CDK5RAP2: variants seen among roughly 807,000 people sequenced by gnomAD.
CDK5RAP2 encodes the protein CDK5 regulatory subunit-associated protein 2.
In CDK5RAP2, 147 loss-of-function variants were observed where a neutral mutation model predicts 232.9. The observed-to-expected ratio is 0.63, with a 90% CI of 0.55 to 0.72. The LOEUF is 0.72. CDK5RAP2 is among the 30% of genes least tolerant of loss of function. The pLI is 0.00. For missense variants in CDK5RAP2, 2,195 were observed against 2,231.5 expected (o/e 0.98, Z 0.33); for synonymous variants, 833 against 833.7 (o/e 1.00, Z 0.01).
At chr9:120,562,778 G>A (rs996711681) in intron 3 of CDK5RAP2, among the ~76,000 whole-genome samples, 2 of 151,836 alleles carry the variant, frequency 1.3e-5, no homozygotes, top group East Asian at 1.9e-4. Flanking sequence ...CACAGTAGCC[G>A]CCCTGTTTGC....
Position 120,447,963 on chromosome 9 carries a change from TGAAG to T in CDK5RAP2, c.2953_2956del (p.Leu985ThrfsTer4). 6.2e-7 allele frequency: 1 copy of T among 1,614,224 alleles called. No homozygotes were observed. Among genetic ancestry groups the T allele is most frequent in the Non-Finnish European group, 8.5e-7 (1 of 1,180,042 alleles). On this transcript the variant is annotated frameshift_variant, in exon 22 of 38. Transcript: ENST00000349780. LOFTEE classifies it high-confidence loss of function. Reference sequence around the variant, plus strand: ...TGCTTCAGCCAGAATTAACTTTTGGTGAAGTTGCTTATTACAAGTTTTAAACTCC... The same window carrying T: ...TGCTTCAGCCAGAATTAACTTTTGGTTTGCTTATTACAAGTTTTAAACTCC...
chr9:120,458,579 A>C lies in CDK5RAP2; in HGVS notation c.2246T>G (p.Leu749Ter), dbSNP rs1357962631. 6.2e-7 allele frequency: 1 copy of C among 1,614,064 alleles called. No individual in the cohort carries two copies. The highest frequency in any genetic ancestry group is 8.5e-7 in the Non-Finnish European group (1 of 1,180,020). Residue 749 changes from leucine to a stop codon, truncating the protein, a stop_gained, in exon 20 of 38, where the codon TTA becomes TGA. Coordinates refer to ENST00000349780, the MANE Select transcript of CDK5RAP2 (RefSeq NM_018249.6). LOFTEE classifies it high-confidence loss of function. ...TGAAATCTTAGACTCCGTGTGCCTT[A>C]AGTATCCATTTTTGCAGCCTCCTTT... ...LSKGGCKNGY[L>*]RHTESKISDC...
At chr9:120,562,789 T>C (rs1380459332) in intron 3 of CDK5RAP2, among the ~76,000 whole-genome samples, 3 of 152,062 alleles carry the variant, frequency 2.0e-5, no homozygotes, top group Non-Finnish European at 2.9e-5. Context: ...CCCTGTTTGC[T>C]AAAGATCTGG....
At chr9:120,443,783 G>T in intron 22 of CDK5RAP2, 41 bp from the exon 23 acceptor site, 1 of 1,612,102 alleles carries the variant, frequency 6.2e-7, no homozygotes, top group Non-Finnish European at 8.5e-7. Context: ...AAATAAAACC[G>T]TAAGACCTGA....
At chr9:120,573,313 C>G (rs538855093) in intron 1 of CDK5RAP2, among the ~76,000 whole-genome samples, 199 of 152,248 alleles carry the variant, frequency 1.3e-3, no homozygotes, top group African/African-American at 4.7e-3. Context: ...TTTTGGGAGG[C>G]CAAGGCTGGT....
intron 12 of CDK5RAP2, among the ~76,000 whole-genome samples, chr9:120,498,892 T>C (rs1026938418): frequency 4.6e-5 from 7 of 152,122 alleles, no homozygotes; most frequent in African/African-American, 1.7e-4. Flanking sequence ...AAATGCAATG[T>C]ATATACCTTG....
Position 120,428,731 on chromosome 9 carries a change from G to T in CDK5RAP2, c.3956-5990C>A, listed in dbSNP as rs542511908. Reference sequence around the variant, plus strand: ...GAAACTATTCCAATCAATAGAAAAAGAGGGAATCCTCCCTAACTCATTTTA... The same window carrying T: ...GAAACTATTCCAATCAATAGAAAAATAGGGAATCCTCCCTAACTCATTTTA... On this transcript the variant is annotated intron_variant, in intron 25 of 37. Transcript: ENST00000349780. 2.2e-4 allele frequency among the ~76,000 whole-genome samples: 34 copies of T among 152,292 alleles called. No individual in the cohort carries two copies. In the South Asian group the frequency reaches 7.0e-3, roughly 32 times the overall value.
intron 24 of CDK5RAP2, among the ~76,000 whole-genome samples, chr9:120,438,525 G>A (rs1427066681): frequency 6.6e-6 from 1 of 152,126 alleles, no homozygotes; most frequent in African/African-American, 2.4e-5. Context: ...GGGATGATGT[G>A]GGCTTGAACC....
intron 12 of CDK5RAP2, among the ~76,000 whole-genome samples, chr9:120,495,752 TG>T (rs2039173813): frequency 7.6e-5 from 3 of 39,568 alleles, no homozygotes; most frequent in African/African-American, 2.3e-4. Flanking sequence ...GGGAGGGAGG[TG>T]GGGGGGTCAG....
intron 25 of CDK5RAP2, among the ~76,000 whole-genome samples, chr9:120,435,175 G>A (rs1223801523): frequency 6.6e-6 from 1 of 152,126 alleles, no homozygotes; most frequent in Non-Finnish European, 1.5e-5. Context: ...ATACTATAAT[G>A]TATTTTTAGC....
chr9:120,572,950 C>T (rs2042906455), intron 1 of CDK5RAP2, among the ~76,000 whole-genome samples: 1 of 152,228 alleles, frequency 6.6e-6, no homozygotes, highest in African/African-American at 2.4e-5. Flanking sequence ...AAGGCCCAGA[C>T]AATTTTACTG....
At chr9:120,393,292 T>C (rs2032161738) in intron 36 of CDK5RAP2, among the ~76,000 whole-genome samples, 1 of 152,202 alleles carries the variant, frequency 6.6e-6, no homozygotes, top group Non-Finnish European at 1.5e-5. Flanking sequence ...CGTTCATCTC[T>C]GTCCCCAGGA....
At chr9:120,442,577 G>A (rs1438903642) in intron 23 of CDK5RAP2, among the ~76,000 whole-genome samples, 1 of 152,244 alleles carries the variant, frequency 6.6e-6, no homozygotes, top group Non-Finnish European at 1.5e-5. Flanking sequence ...TACTGACAGG[G>A]AAAGGGAAGC....
In CDK5RAP2 at chr9:120,536,238, G is replaced by A; in HGVS notation, c.662+134C>T. On this transcript the variant is annotated intron_variant, in intron 7 of 37. Transcript: ENST00000349780. ...TTTTCTATCTAACTGTGTTGGACTT[G>A]TTCCCATTAGTCACTCAAGTCCTAT... The A allele has an allele frequency of 2.2e-6, 2 of 898,248 alleles. 1 individual carries two copies. The highest frequency in any genetic ancestry group is 3.0e-5 in the South Asian group (2 of 66,426). 55.6% of individuals were successfully genotyped at this position (898,248 alleles called of 1,614,324 possible). A position where few individuals can be genotyped will look rare whatever the true frequency, so the allele number is the denominator to read the frequency against.
chr9:120,561,822 G>A (rs1192641289), intron 3 of CDK5RAP2, among the ~76,000 whole-genome samples: 2 of 152,140 alleles, frequency 1.3e-5, no homozygotes, highest in Admixed American at 6.5e-5. Flanking sequence ...TGAAATAACT[G>A]CACTACCTTG....
At chr9:120,576,832 T>G (rs1198897706) in intron 1 of CDK5RAP2, among the ~76,000 whole-genome samples, 1 of 152,060 alleles carries the variant, frequency 6.6e-6, no homozygotes, top group African/African-American at 2.4e-5. Context: ...TCCCAGCTCT[T>G]AGCAAGGCAG....
chr9:120,558,172 A>G (rs1233352986), intron 3 of CDK5RAP2, among the ~76,000 whole-genome samples: 3 of 148,638 alleles, frequency 2.0e-5, no homozygotes, highest in Middle Eastern at 7.0e-3. Context: ...CAAGAGATCG[A>G]GACCATCCTG....
At chr9:120,568,458 A>G (rs2042726820) in intron 2 of CDK5RAP2, 70 bp from the exon 3 acceptor site, 2 of 1,087,098 alleles carry the variant, frequency 1.8e-6, no homozygotes, top group Admixed American at 1.7e-5. Context: ...TGGGGAATAG[A>G]GCACAGAGAG....
At chr9:120,570,858 T>C (rs1234863153) in intron 2 of CDK5RAP2, among the ~76,000 whole-genome samples, 1 of 150,090 alleles carries the variant, frequency 6.7e-6, no homozygotes, top group Non-Finnish European at 1.5e-5. Context: ...TTGTTGGATT[T>C]TGCATTTAAA....
Sources: allele counts gnomAD v4.1 joint callset (sites outside exome capture counted in the v4.1 genomes callset), GRCh38; gene constraint gnomAD v4.1.1; transcripts MANE v1.5; gene names NCBI Gene and HGNC (gene_info 2026-07-23, HGNC 2026-07-21).